FLT3: variants seen among roughly 807,000 people sequenced by gnomAD.
FLT3 encodes receptor-type tyrosine-protein kinase FLT3.
A neutral mutation model predicts 126.6 loss-of-function variants in FLT3; 46 were observed. That is an observed-to-expected ratio of 0.36 (90% CI 0.29 to 0.46). The LOEUF is 0.46. Among genes scored for constraint, FLT3 ranks in the 20% least tolerant of loss-of-function variants. FLT3 has a pLI of 1.00. For missense variants in FLT3, 1,069 were observed against 1,190.3 expected (o/e 0.90, Z 1.50); for synonymous variants, 404 against 434.4 (o/e 0.93, Z 0.87).
intron 9 of FLT3, among the ~76,000 whole-genome samples, chr13:28,040,955 C>A (rs1874320585): frequency 7.1e-6 from 1 of 141,370 alleles, no homozygotes; most frequent in Non-Finnish European, 1.5e-5. Flanking sequence ...CAGAGCAAGA[C>A]CCGGACTCAA....
intron 9 of FLT3, among the ~76,000 whole-genome samples, chr13:28,046,702 C>A (rs912297466): frequency 6.6e-6 from 1 of 152,006 alleles, no homozygotes; most frequent in Non-Finnish European, 1.5e-5. Context: ...CTCAATCAAT[C>A]CTCCAACCTC....
intron 1 of FLT3, among the ~76,000 whole-genome samples, chr13:28,079,102 T>G (rs1878153598): frequency 6.6e-6 from 1 of 152,228 alleles, no homozygotes; most frequent in African/African-American, 2.4e-5. Flanking sequence ...CCTTTACAAG[T>G]ACTCAAGTCA....
In FLT3 at chr13:28,004,145, C is replaced by T. The variant is rs183293726; in HGVS notation, c.2889G>A (p.Ser963=). 77 of 1,613,964 alleles carry T rather than the reference C, an allele frequency of 4.8e-5. 1 individual carries two copies. The highest frequency in any genetic ancestry group is 4.1e-4 in the South Asian group (37 of 91,066). The change falls in exon 24 of 24, where the codon TCG becomes TCA. Residue 963 remains serine (S), a synonymous_variant. Transcript: ENST00000241453. ...AMYQNVDGRV[S]ECPHTYQNRR... The stretch of plus-strand genomic sequence containing the variant: ...TGTTTTGGTAGGTGTGAGGACATTC[C>T]GAAACACGGCCATCCACATTCTGAT...
chr13:28,071,808 A>G (rs1348956786), intron 1 of FLT3, among the ~76,000 whole-genome samples: 1 of 152,010 alleles, frequency 6.6e-6, no homozygotes, highest in African/African-American at 2.4e-5. Flanking sequence ...CTCAACCCCC[A>G]ACTATAATTC....
chr13:28,039,610 G>A (rs1212195685), intron 9 of FLT3, among the ~76,000 whole-genome samples: 4 of 142,050 alleles, frequency 2.8e-5, no homozygotes, highest in South Asian at 2.2e-4. Flanking sequence ...GTTCAGTGGC[G>A]TGATCTTGGC....
chr13:28,081,355 T>C (rs1467142630), intron 1 of FLT3, among the ~76,000 whole-genome samples: 1 of 152,166 alleles, frequency 6.6e-6, no homozygotes, highest in Non-Finnish European at 1.5e-5. Context: ...TCTCCCTGTT[T>C]CATATTTTTG....
chr13:28,048,218 C>G, intron 9 of FLT3, 57 bp downstream of exon 9: 2 of 1,411,248 alleles, frequency 1.4e-6, no homozygotes, highest in Non-Finnish European at 2.0e-6. Flanking sequence ...TTCTCAAGGG[C>G]GACAAGCAAG....
chr13:28,100,337 G>C lies in FLT3; in HGVS notation c.43+131C>G, dbSNP rs2137843838. The C allele has an allele frequency of 1.8e-6, 1 of 548,272 alleles. No individual in the cohort carries two copies. Among genetic ancestry groups the C allele is most frequent in the East Asian group, 3.9e-5 (1 of 25,378 alleles). The allele number at this position is 548,272 out of a possible 1,614,324, so 34.0% of individuals were successfully genotyped here. A position where few individuals can be genotyped will look rare whatever the true frequency, so the allele number is the denominator to read the frequency against. Reference sequence around the variant, plus strand: ...GGCGCGAAAGAGGGGAGGGGCGCGGGAGGCAATGGAAGGAGCGAGCGCGGG... The same window carrying C: ...GGCGCGAAAGAGGGGAGGGGCGCGGCAGGCAATGGAAGGAGCGAGCGCGGG... On this transcript the variant is annotated intron_variant, in intron 1 of 23. Coordinates refer to ENST00000241453, the MANE Select transcript of FLT3 (RefSeq NM_004119.3). The surrounding 1 kb of genome is among the most constrained non-coding windows in gnomAD (Gnocchi z 4.8).
At chr13:28,057,597 A>G in intron 3 of FLT3, 135 bp from the exon 4 acceptor site, 1 of 620,816 alleles carries the variant, frequency 1.6e-6, no homozygotes, top group Middle Eastern at 4.4e-4. Context: ...TGGAGAACAC[A>G]GCTTCTGTCA....
At chr13:28,015,374 G>C in intron 21 of FLT3, 118 bp from the exon 22 acceptor site, 1 of 788,232 alleles carries the variant, frequency 1.3e-6, no homozygotes, top group Non-Finnish European at 2.2e-6. Context: ...CAGGCACACG[G>C]GCTGCGGCTG....
intron 1 of FLT3, among the ~76,000 whole-genome samples, chr13:28,086,588 T>C: frequency 6.6e-6 from 1 of 151,912 alleles, no homozygotes; most frequent in Non-Finnish European, 1.5e-5. Flanking sequence ...GATTTTCATT[T>C]TGTATTATTT....
intron 15 of FLT3, among the ~76,000 whole-genome samples, chr13:28,030,639 G>A (rs1325868775): frequency 1.2e-4 from 18 of 152,088 alleles, no homozygotes; most frequent in Admixed American, 9.8e-4. Context: ...AGACAAGCGG[G>A]AGAATTGCTG....
chr13:28,028,010 G>A (rs1229493336), intron 16 of FLT3, among the ~76,000 whole-genome samples, 168 bp downstream of exon 16: 2 of 152,136 alleles, frequency 1.3e-5, no homozygotes, highest in East Asian at 1.9e-4. Context: ...TGACCCCTCT[G>A]ATTTATAGAG....
chr13:28,064,900 A>G (rs370069714), intron 2 of FLT3, among the ~76,000 whole-genome samples: 194 of 152,338 alleles, frequency 1.3e-3, no homozygotes, highest in Non-Finnish European at 2.1e-3. Context: ...AGCACAATTC[A>G]TAATTGCAAA....
chr13:28,091,367 G>T (rs866139591), intron 1 of FLT3, among the ~76,000 whole-genome samples: 5 of 149,012 alleles, frequency 3.4e-5, no homozygotes, highest in African/African-American at 1.2e-4. Context: ...GACTACAGGC[G>T]CCCGCCACCA....
intron 1 of FLT3, among the ~76,000 whole-genome samples, chr13:28,083,188 G>A (rs948412319): frequency 6.6e-6 from 1 of 152,114 alleles, no homozygotes; most frequent in African/African-American, 2.4e-5. Context: ...TGTCAGTAAT[G>A]GATATTGAAC....
chr13:28,009,972 T>G (rs1566053610), intron 23 of FLT3, among the ~76,000 whole-genome samples: 1 of 152,128 alleles, frequency 6.6e-6, no homozygotes. Context: ...GACAAGTATG[T>G]GCCCCCTTTT....
In FLT3 at chr13:28,003,310, C is replaced by T. The variant is rs1388849324; in HGVS notation, c.*742G>A. Reference sequence around the variant, plus strand: ...GAGTAACTTTATTGAAAATACTAATCCTCCATGTTACTTCTGACTGGCCCT... The same window carrying T: ...GAGTAACTTTATTGAAAATACTAATTCTCCATGTTACTTCTGACTGGCCCT... On this transcript the variant is annotated 3_prime_UTR_variant, in exon 24 of 24. Transcript: ENST00000241453. 1 of 232,974 alleles carries T rather than the reference C, an allele frequency of 4.3e-6. No individual in the cohort carries two copies. The highest frequency in any genetic ancestry group is 6.0e-5 in the East Asian group (1 of 16,570). 14.4% of individuals were successfully genotyped at this position (232,974 alleles called of 1,614,324 possible).
At chr13:28,084,973 T>TAAAA (rs59333724) in intron 1 of FLT3, among the ~76,000 whole-genome samples, 6 of 133,276 alleles carry the variant, frequency 4.5e-5, no homozygotes, top group African/African-American at 1.7e-4. Context: ...AGCCTTCCTC[T>TAAAA]AAAAAAAAAA....
Sources: allele counts gnomAD v4.1 joint callset (sites outside exome capture counted in the v4.1 genomes callset), GRCh38; gene constraint gnomAD v4.1.1; non-coding constraint Gnocchi (gnomAD v3.1); transcripts MANE v1.5; gene names NCBI Gene and HGNC (gene_info 2026-07-23, HGNC 2026-07-21).